Variants in LSAMP observed in about 807,000 individuals in gnomAD.
The protein encoded by LSAMP is limbic system-associated membrane protein.
Under a neutral mutation model 38.6 loss-of-function variants are expected in LSAMP, and 7 were observed. The ratio of observed to expected loss-of-function variants is 0.18; its 90% confidence interval spans 0.10 to 0.34. The LOEUF (loss-of-function observed/expected upper bound fraction) is 0.34. Ranked by LOEUF, LSAMP falls within the 10% of genes least tolerant of loss-of-function variation. The pLI is 1.00. For synonymous variants in LSAMP, 154 were observed against 166.8 expected, an observed-to-expected ratio of 0.92 and a Z score of 0.59; for missense variants, 313 against 420.0, an observed-to-expected ratio of 0.75 and a Z score of 2.23.
intron 1 of LSAMP, among the ~76,000 whole-genome samples, chr3:116,352,999 G>A (rs568969430): frequency 6.6e-6 from 1 of 152,204 alleles, no homozygotes; most frequent in South Asian, 2.1e-4. Flanking sequence ...ATACAGGTCA[G>A]CTTCCTCTAC....
chr3:116,373,453 T>C (rs1252883437), intron 1 of LSAMP, among the ~76,000 whole-genome samples: 1 of 151,648 alleles, frequency 6.6e-6, no homozygotes, highest in Non-Finnish European at 1.5e-5. Flanking sequence ...TATTTTCGAA[T>C]GGGTATAGGG....
chr3:116,019,662 G>C lies in LSAMP; in HGVS notation c.389-22C>G, dbSNP rs774810448. 2.5e-6 allele frequency: 4 copies of C among 1,607,072 alleles called. No individual in the cohort carries two copies. In the African/African-American group the frequency reaches 4.0e-5, roughly 16 times the overall value. ...GGGACTGTGAAAACAAAAGGAAATG[G>C]AATATGTAACCATGTCAGTAAGATT... On this transcript the variant is annotated intron_variant, in intron 2 of 6. Coordinates refer to ENST00000490035, the MANE Select transcript of LSAMP (RefSeq NM_002338.5).
At chr3:116,113,985 C>T (rs1708687478) in intron 1 of LSAMP, among the ~76,000 whole-genome samples, 1 of 152,106 alleles carries the variant, frequency 6.6e-6, no homozygotes, top group Admixed American at 6.6e-5. Flanking sequence ...AAATGGGAGA[C>T]ATGGAAATAG....
chr3:116,394,219 C>T (rs987475887), intron 1 of LSAMP, among the ~76,000 whole-genome samples: 1 of 152,152 alleles, frequency 6.6e-6, no homozygotes, highest in African/African-American at 2.4e-5. Flanking sequence ...TCTCCATAGT[C>T]CCAACCCAAA....
At chr3:116,171,293 T>C (rs1311206741) in intron 1 of LSAMP, among the ~76,000 whole-genome samples, 1 of 152,136 alleles carries the variant, frequency 6.6e-6, no homozygotes, top group Admixed American at 6.5e-5. Flanking sequence ...AGGATTACTA[T>C]TATTGGTTTG....
At chr3:115,871,692 T>C (rs1458578514) in intron 3 of LSAMP, among the ~76,000 whole-genome samples, 1 of 151,882 alleles carries the variant, frequency 6.6e-6, no homozygotes, top group Non-Finnish European at 1.5e-5. Context: ...TCGTTGACAT[T>C]TTTTTCTAAC....
At chr3:116,247,824 A>G (rs1576458383) in intron 1 of LSAMP, among the ~76,000 whole-genome samples, 1 of 152,182 alleles carries the variant, frequency 6.6e-6, no homozygotes, top group African/African-American at 2.4e-5. Flanking sequence ...AACCTGGCCA[A>G]TGTTAATCTT....
intron 2 of LSAMP, among the ~76,000 whole-genome samples, chr3:116,079,424 C>T (rs567373775): frequency 5.3e-5 from 8 of 151,986 alleles, no homozygotes; most frequent in East Asian, 1.9e-4. Flanking sequence ...AATGGGAGGC[C>T]GAGGCAGGCA....
In LSAMP at chr3:116,266,939, C is replaced by T. The variant is rs768740974; in HGVS notation, c.155+177938G>A. ...CAACACTTACTGGAGTGTTCCTTTT[C>T]TGTGTGGCAGGCACCTGCCAACTGC... is the stretch of plus-strand genomic sequence containing the variant. On this transcript the variant is annotated intron_variant, in intron 1 of 6. Transcript: ENST00000490035. Among the ~76,000 whole-genome samples the T allele has an allele frequency of 8.3e-4, 127 of 152,288 alleles. No homozygotes were observed. In the Middle Eastern group the frequency reaches 0.037, roughly 45 times the overall value.
chr3:116,204,878 G>T (rs1356282647), intron 1 of LSAMP, among the ~76,000 whole-genome samples: 1 of 143,610 alleles, frequency 7.0e-6, no homozygotes, highest in Non-Finnish European at 1.5e-5. Context: ...TTGCCTTGGC[G>T]ATGAGGGCTC....
At position 115,929,778 on chromosome 3, in the gene LSAMP, GCAAATTT is replaced by G. The variant is rs548160461; in HGVS notation, c.515-77168_515-77162del. Among the ~76,000 whole-genome samples the G allele has an allele frequency of 2.2e-4, 34 of 151,964 alleles. 1 individual carries two copies. In the South Asian group the frequency reaches 5.6e-3, roughly 25 times the overall value. On this transcript the variant is annotated intron_variant, in intron 3 of 6. Coordinates refer to ENST00000490035, the MANE Select transcript of LSAMP (RefSeq NM_002338.5). ...CACAGGGCTAGTTCTAATAAAAGTG[GCAAATTT>G]CAAAATAACTTGAAAGGACTGAGAC...
chr3:115,880,448 C>T (rs1270387447), intron 3 of LSAMP, among the ~76,000 whole-genome samples: 1 of 152,072 alleles, frequency 6.6e-6, no homozygotes, highest in Middle Eastern at 3.2e-3. Context: ...CTGTTGTTTA[C>T]AATCAAAGGG....
At chr3:115,861,489 G>T (rs73140498) in intron 3 of LSAMP, among the ~76,000 whole-genome samples, 25,443 of 150,862 alleles carry the variant, frequency 0.17, 2,484 homozygotes, top group Middle Eastern at 0.26. Context: ...CGGTGTCTGG[G>T]CTCAATGAGA....
At chr3:116,229,649 T>TA (rs1491108652) in intron 1 of LSAMP, among the ~76,000 whole-genome samples, 1 of 152,106 alleles carries the variant, frequency 6.6e-6, no homozygotes, top group African/African-American at 2.4e-5. Flanking sequence ...AATAGAACTC[T>TA]AAAATAAAAT....
At chr3:116,352,270 C>T (rs1416984685) in intron 1 of LSAMP, among the ~76,000 whole-genome samples, 4 of 152,044 alleles carry the variant, frequency 2.6e-5, no homozygotes, top group African/African-American at 7.2e-5. Context: ...TCATGGCAGC[C>T]AGCGGAGAGC....
At chr3:116,204,025 A>G (rs1443253805) in intron 1 of LSAMP, among the ~76,000 whole-genome samples, 1 of 151,622 alleles carries the variant, frequency 6.6e-6, no homozygotes, top group African/African-American at 2.4e-5. Context: ...CAACAGTGTA[A>G]AAGTGTTCCT....
intron 1 of LSAMP, among the ~76,000 whole-genome samples, chr3:116,255,264 A>G (rs536296254): frequency 1.3e-5 from 2 of 152,316 alleles, no homozygotes; most frequent in African/African-American, 4.8e-5. Flanking sequence ...AGAAATTCCA[A>G]AAGGGCAGTT....
intron 2 of LSAMP, among the ~76,000 whole-genome samples, chr3:116,069,769 A>T (rs1707555162): frequency 6.6e-6 from 1 of 152,192 alleles, no homozygotes; most frequent in South Asian, 2.1e-4. Flanking sequence ...GGCAAAGATT[A>T]ATTTATTTTT....
intron 3 of LSAMP, among the ~76,000 whole-genome samples, chr3:115,937,398 T>C (rs1275421103): frequency 6.6e-6 from 1 of 152,082 alleles, no homozygotes; most frequent in Non-Finnish European, 1.5e-5. Context: ...CTCAGCATGT[T>C]GGGATGCTGA....
Sources: gnomAD v4.1 joint callset for allele counts (sites outside exome capture counted in the v4.1 genomes callset) on GRCh38, gnomAD v4.1.1 for gene constraint, MANE v1.5 for transcripts, NCBI Gene and HGNC (gene_info 2026-07-23, HGNC 2026-07-21) for gene names.